The following SMG1 variants were observed in gnomAD, a reference collection of about 807,000 sequenced individuals.
SMG1 encodes serine/threonine-protein kinase SMG1.
A neutral mutation model predicts 419.9 loss-of-function variants in SMG1; 22 were observed. That is an observed-to-expected ratio of 0.05 (90% CI 0.04 to 0.07). The LOEUF is 0.07. Ranked by LOEUF, SMG1 falls within the 10% of genes least tolerant of loss-of-function variation. The pLI is 1.00. For missense variants in SMG1, 3,185 were observed against 4,342.0 expected (o/e 0.73, Z 7.49); for synonymous variants, 1,538 against 1,553.5 (o/e 0.99, Z 0.23).
intron 1 of SMG1, among the ~76,000 whole-genome samples, chr16:18,916,622 C>A (rs1296179198): frequency 1.7e-4 from 25 of 147,464 alleles, no homozygotes; most frequent in Non-Finnish European, 3.4e-4. Flanking sequence ...AAAACACACA[C>A]AAAAAAAAAC....
At chr16:18,838,981 T>C (rs2033749726) in intron 42 of SMG1, among the ~76,000 whole-genome samples, 1 of 152,062 alleles carries the variant, frequency 6.6e-6, no homozygotes, top group Admixed American at 6.6e-5. Flanking sequence ...AAATTTTTTA[T>C]TCTTTTTTTT....
chr16:18,830,487 A>G (rs1480687613), intron 51 of SMG1, 118 bp from the exon 52 acceptor site: 1 of 1,189,356 alleles, frequency 8.4e-7, no homozygotes, highest in Non-Finnish European at 1.2e-6. Context: ...GCCTTCTGGC[A>G]TTAAGAAGAA....
At chr16:18,818,094 AT>A (rs149381273) in intron 56 of SMG1, among the ~76,000 whole-genome samples, 7,142 of 138,392 alleles carry the variant, frequency 0.052, 212 homozygotes, top group Middle Eastern at 0.081. Flanking sequence ...AAAAAAAAAA[AT>A]TTATTGGCCA....
intron 29 of SMG1, 76 bp from the exon 30 acceptor site, chr16:18,854,980 T>C: frequency 2.1e-6 from 3 of 1,407,814 alleles, no homozygotes; most frequent in Non-Finnish European, 2.9e-6. Flanking sequence ...CAAAAAATTA[T>C]TCCCCAACTA....
chr16:18,839,722 A>G lies in SMG1; in HGVS notation c.6921T>C (p.Pro2307=), dbSNP rs780031207. The change falls in exon 42 of 63, where the codon CCT becomes CCC. Residue 2307 remains proline, a synonymous_variant. Coordinates refer to ENST00000446231, the MANE Select transcript of SMG1 (RefSeq NM_015092.5). ...CCTGCGTAACTCTCCACCATTCATC[A>G]GGTGTTGTGCAAGATGACCAGAGCT... ...AKELWSSCTT[P]DEWWRVTQSY... is the part of the protein sequence containing the mutation. 1 of 1,613,902 alleles carries G rather than the reference A, an allele frequency of 6.2e-7. No homozygotes were observed. Among genetic ancestry groups the G allele is most frequent in the Admixed American group, 1.7e-5 (1 of 59,990 alleles).
intron 62 of SMG1, among the ~76,000 whole-genome samples, chr16:18,809,905 C>T (rs2031213339): frequency 6.6e-6 from 1 of 151,826 alleles, no homozygotes; most frequent in African/African-American, 2.4e-5. Context: ...CCTACCAGAA[C>T]GTTTCTTAAG....
rs2033458082 is a variant in SMG1 at position 18,834,919 on chromosome 16, A to T, written c.8303T>A (p.Ile2768Asn). ...TGTAAGGGTACAAAGGGCAGAAATAATAACACTTGCTAGACTCAAAGATCC... is the reference window on the plus strand; with the variant it reads ...TGTAAGGGTACAAAGGGCAGAAATATTAACACTTGCTAGACTCAAAGATCC... ...EEGSLSLASV[I>N]ISALCTLTRR... The change falls in exon 49 of 63, where the codon ATT becomes AAT. Residue 2768 changes from isoleucine to asparagine, a missense_variant. Physicochemically the swap from Ile to Asn is moderately radical, Grantham distance 149 (BLOSUM62 -3). Transcript: ENST00000446231. 6.2e-7 allele frequency: 1 copy of T among 1,613,942 alleles called. No homozygotes were observed. The highest frequency in any genetic ancestry group is 8.5e-7 in the Non-Finnish European group (1 of 1,179,896).
At position 18,842,313 on chromosome 16, in the gene SMG1, T is replaced by C; in HGVS notation, c.6361A>G (p.Ile2121Val). 1 of 1,613,994 alleles carries C rather than the reference T, an allele frequency of 6.2e-7. No individual in the cohort carries two copies. The highest frequency in any genetic ancestry group is 8.5e-7 in the Non-Finnish European group (1 of 1,179,866). ...GTGATGGTTCCGCCCACACTATGGA[T>C]TGTGACAGTGTCTCTGGCTGAGACT... is the stretch of plus-strand genomic sequence containing the variant. Reference protein sequence around the residue: ...GEVSARDTVTIHSVGGTITIL... With the variant: ...GEVSARDTVTVHSVGGTITIL... Residue 2121 changes from isoleucine to valine, a missense_variant, in exon 40 of 63, where the codon ATC becomes GTC. Around this residue, in one of 27 missense-constraint regions of SMG1, gnomAD observed 159 missense variants for 196.0 expected, o/e 0.81. Transcript: ENST00000446231.
chr16:18,873,742 TGCAAATG>T (rs780003383), intron 13 of SMG1, among the ~76,000 whole-genome samples: 73 of 152,322 alleles, frequency 4.8e-4, no homozygotes, highest in Non-Finnish European at 6.9e-4. Flanking sequence ...TTCCATATAC[TGCAAATG>T]GCAAGGTGCC....
chr16:18,878,738 T>C (rs1271601923), intron 11 of SMG1: 1 of 151,910 alleles, frequency 6.6e-6, no homozygotes, highest in Non-Finnish European at 1.5e-5. Context: ...CCTGGTAGAG[T>C]GGCTCATACC....
rs765888745 is a variant in SMG1, at chr16:18,864,141, A to C, written c.3354T>G (p.Phe1118Leu). 2 of 1,516,514 alleles carry C rather than the reference A, an allele frequency of 1.3e-6. No homozygotes were observed. Among genetic ancestry groups the C allele is most frequent in the South Asian group, 1.3e-5 (1 of 77,942 alleles). The allele number at this position is 1,516,514 out of a possible 1,614,324, so 93.9% of individuals were successfully genotyped here. A position where few individuals can be genotyped will look rare whatever the true frequency, so the allele number is the denominator to read the frequency against. Residue 1118 changes from phenylalanine (F) to leucine (L), a missense_variant, in exon 24 of 63, where the codon TTT becomes TTG. By Grantham distance (22) the Phe-to-Leu change is conservative (BLOSUM62 0). Transcript: ENST00000446231. ...CCTGGTACTCCACAGAGGCCTTTTC[A>C]AACCTGAAAAGCAAATTGAAGCAGT... ...NSVAQQAEGR[F>L]EKASVEYQEH...
intron 1 of SMG1, among the ~76,000 whole-genome samples, chr16:18,919,636 G>A (rs1398976957): frequency 2.9e-4 from 29 of 101,040 alleles, no homozygotes; most frequent in African/African-American, 7.5e-4. Flanking sequence ...AAAAAAAAAT[G>A]TGTGTGTGTG....
At chr16:18,858,681 C>A (rs1567379491) in intron 28 of SMG1, 1 of 223,132 alleles carries the variant, frequency 4.5e-6, no homozygotes, top group Non-Finnish European at 8.7e-6. Flanking sequence ...TCTGGTTGAA[C>A]TTTACCCCAT....
intron 10 of SMG1, among the ~76,000 whole-genome samples, chr16:18,881,079 C>T (rs773960817): frequency 2.0e-4 from 30 of 150,034 alleles, no homozygotes; most frequent in Non-Finnish European, 3.7e-4. Context: ...GATTGCTCTA[C>T]TACACTCCAG....
Position 18,845,541 on chromosome 16 carries a change from T to C in SMG1, c.6107A>G (p.His2036Arg). The change falls in exon 39 of 63, where the codon CAT (histidine) becomes CGT (arginine). Residue 2036 changes from histidine to arginine, a missense_variant. This residue lies in a region of SMG1 where 159 missense variants were observed against 196.0 expected (regional missense o/e 0.81). Coordinates refer to ENST00000446231, the MANE Select transcript of SMG1 (RefSeq NM_015092.5). ...SITAAPAETPHEKWFQDNYGD... is the reference protein window; with the variant it reads ...SITAAPAETPREKWFQDNYGD... Reference sequence around the variant, plus strand: ...ATAGTTATCCTGAAACCATTTTTCATGAGGTGTTTCTGCAGGAGCCGCTGT... The same window carrying C: ...ATAGTTATCCTGAAACCATTTTTCACGAGGTGTTTCTGCAGGAGCCGCTGT... 1 of 1,613,996 alleles carries C rather than the reference T, an allele frequency of 6.2e-7. No homozygotes were observed. Among genetic ancestry groups the C allele is most frequent in the Non-Finnish European group, 8.5e-7 (1 of 1,179,876 alleles).
At chr16:18,815,964 C>T in intron 58 of SMG1, 1 of 447,698 alleles carries the variant, frequency 2.2e-6, no homozygotes, top group South Asian at 3.0e-5. Flanking sequence ...ATTTTGGAGG[C>T]AAACTGTATG....
chr16:18,829,995 A>G lies in SMG1; in HGVS notation c.9064T>C (p.Phe3022Leu), dbSNP rs376568156. ...TTAATAGTCTGTAGTCTTTTTAGAA[A>G]GAAAATCTCTTCTAGCACCTGCCGG... ...NHRQVLEEIF[F>L]LKRLQTIKEF... The change falls in exon 53 of 63, where the codon TTT (phenylalanine) becomes CTT (leucine). Residue 3022 changes from phenylalanine to leucine, a missense_variant. Transcript: ENST00000446231. 7.5e-6 allele frequency: 12 copies of G among 1,590,734 alleles called. No individual in the cohort carries two copies. The African/African-American group carries it at 1.2e-4, about 16-fold the overall frequency.
intron 60 of SMG1, among the ~76,000 whole-genome samples, chr16:18,813,899 C>T (rs2031715437): frequency 6.6e-6 from 1 of 151,340 alleles, no homozygotes; most frequent in Admixed American, 6.6e-5. Context: ...GGCGTGGTGG[C>T]AGGTTCTTGT....
chr16:18,851,996 T>C (rs2034630495), intron 33 of SMG1, 71 bp downstream of exon 33: 2 of 1,483,808 alleles, frequency 1.3e-6, no homozygotes, highest in Non-Finnish European at 1.8e-6. Context: ...TTATCAAATA[T>C]ATATGATCAA....
Sources: allele counts gnomAD v4.1 joint callset (sites outside exome capture counted in the v4.1 genomes callset), GRCh38; gene constraint gnomAD v4.1.1; regional missense constraint gnomAD v4.1.1; transcripts MANE v1.5; gene names NCBI Gene and HGNC (gene_info 2026-07-23, HGNC 2026-07-21).